SVEP1: variants seen among roughly 807,000 people sequenced by gnomAD.
SVEP1 encodes the protein sushi, von Willebrand factor type A, EGF and pentraxin domain-containing protein 1.
SVEP1 carries 164 observed loss-of-function variants against 367.3 expected under a neutral mutation model. That is an observed-to-expected ratio of 0.45 (90% CI 0.39 to 0.51). SVEP1 has a LOEUF of 0.51. SVEP1 is among the 20% of genes least tolerant of loss of function. SVEP1 has a pLI of 0.00. For synonymous variants in SVEP1, 1,666 were observed against 1,611.6 expected, an observed-to-expected ratio of 1.03 and a Z score of -0.81; for missense variants, 4,117 against 4,425.3, an observed-to-expected ratio of 0.93 and a Z score of 1.98.
Position 110,370,004 on chromosome 9 carries a change from G to T in SVEP1, c.10613C>A (p.Ser3538Tyr). The change falls in exon 47 of 48, where the codon TCT becomes TAT. Residue 3538 changes from serine (S) to tyrosine (Y), a missense_variant. By Grantham distance (144) the Ser-to-Tyr change is moderately radical. Around this residue, in one of 4 missense-constraint regions of SVEP1, gnomAD observed 1,765 missense variants for 1,781.1 expected, o/e 0.99. Transcript: ENST00000374469. ...GSRCHTAVCQ[S>Y]PCLNGGKCVR... ...ACATTTTCCACCATTTAAGCAGGGA[G>T]ACTGGCAAACAGCTGGAATAAAAAA... is the stretch of plus-strand genomic sequence containing the variant. The T allele has an allele frequency of 5.6e-6, 9 of 1,612,854 alleles. No homozygotes were observed. Among genetic ancestry groups the T allele is most frequent in the Non-Finnish European group, 7.6e-6 (9 of 1,179,410 alleles).
At chr9:110,430,147 T>A in intron 33 of SVEP1, 127 bp downstream of exon 33, 7 of 1,187,480 alleles carry the variant, frequency 5.9e-6, no homozygotes, top group East Asian at 2.5e-5. Flanking sequence ...GGGTCATGTT[T>A]AAACATGAGC....
At chr9:110,566,273 G>A (rs1830491923) in intron 1 of SVEP1, among the ~76,000 whole-genome samples, 1 of 151,772 alleles carries the variant, frequency 6.6e-6, no homozygotes, top group Non-Finnish European at 1.5e-5. Flanking sequence ...AGTGAGTCGT[G>A]ATAGTGCCAC....
chr9:110,436,413 G>C lies in SVEP1; in HGVS notation c.4731C>G (p.Leu1577=). 1 of 1,613,962 alleles carries C rather than the reference G, an allele frequency of 6.2e-7. No homozygotes were observed. The highest frequency in any genetic ancestry group is 8.5e-7 in the Non-Finnish European group (1 of 1,179,858). Residue 1577 remains leucine, a synonymous_variant, in exon 28 of 48, where the codon CTC becomes CTG. Transcript: ENST00000374469. ...GAGACAGGACATAGTCCCAGAGGTT[G>C]AGCTGGCTTATGGAGCCCACAAAAG... ...AESFVGSISQ[L]NLWDYVLSPQ...
chr9:110,470,699 G>T (rs7020788), intron 16 of SVEP1, among the ~76,000 whole-genome samples: 1 of 151,220 alleles, frequency 6.6e-6, no homozygotes, highest in Non-Finnish European at 1.5e-5. Context: ...GCCTCCCAAA[G>T]TGCTGGGATT....
intron 46 of SVEP1, among the ~76,000 whole-genome samples, chr9:110,371,505 G>A (rs1325253170): frequency 6.6e-6 from 1 of 151,834 alleles, no homozygotes; most frequent in African/African-American, 2.4e-5. Context: ...GCATTTTCTG[G>A]GAACCTAAAC....
chr9:110,487,270 T>A (rs1363353357), intron 9 of SVEP1, among the ~76,000 whole-genome samples: 2 of 152,192 alleles, frequency 1.3e-5, no homozygotes, highest in Non-Finnish European at 2.9e-5. Context: ...TCTTTTATAA[T>A]TTGGGAATTC....
chr9:110,382,811 T>G (rs1362650198), intron 43 of SVEP1, among the ~76,000 whole-genome samples: 1 of 152,210 alleles, frequency 6.6e-6, no homozygotes, highest in Non-Finnish European at 1.5e-5. Flanking sequence ...AGCAAGATAG[T>G]CTTCAAACTC....
chr9:110,542,852 T>A (rs1225037120), intron 3 of SVEP1, among the ~76,000 whole-genome samples: 1 of 149,908 alleles, frequency 6.7e-6, no homozygotes, highest in Non-Finnish European at 1.5e-5. Context: ...CATTAGGAGA[T>A]ATACTTAATG....
chr9:110,496,255 T>C (rs1829444691), intron 8 of SVEP1, among the ~76,000 whole-genome samples: 1 of 152,164 alleles, frequency 6.6e-6, no homozygotes, highest in Non-Finnish European at 1.5e-5. Flanking sequence ...TCTGTGAGGA[T>C]GTTGCCAAAG....
In SVEP1 at chr9:110,450,245, G is replaced by C. The variant is rs199822875; in HGVS notation, c.3917C>G (p.Thr1306Arg). 1.9e-5 allele frequency: 30 copies of C among 1,613,766 alleles called. No individual in the cohort carries two copies. In the African/African-American group the frequency reaches 3.5e-4, roughly 19 times the overall value. ...VKGFVGLHCE[T>R]EVNECQSNPC... is the part of the protein sequence containing the mutation. ...GTTTGACTGGCATTCATTGACTTCT[G>C]TTTCACAATGCAGGCCTGAGGATGG... The change falls in exon 24 of 48, where the codon ACA becomes AGA. Residue 1306 changes from threonine to arginine, a missense_variant. Physicochemically the swap from Thr to Arg is moderately conservative, Grantham distance 71. Around this residue, in one of 4 missense-constraint regions of SVEP1, gnomAD observed 2,174 missense variants for 2,494.3 expected, o/e 0.87. Transcript: ENST00000374469.
intron 5 of SVEP1, among the ~76,000 whole-genome samples, chr9:110,509,126 GAC>G (rs879691978): frequency 2.0e-4 from 31 of 152,210 alleles, no homozygotes; most frequent in African/African-American, 7.0e-4. Context: ...CCCATTGTAA[GAC>G]ACAACATTAT....
At position 110,434,421 on chromosome 9, in the gene SVEP1, A is replaced by G; in HGVS notation, c.4974T>C (p.Cys1658=). 1.2e-6 allele frequency: 2 copies of G among 1,613,544 alleles called. No homozygotes were observed. The change falls in exon 30 of 48, where the codon TGT becomes TGC. Residue 1658 remains cysteine (C), a synonymous_variant. Transcript: ENST00000374469. ...TCCCGACCAGCTGGAAGCCTGGATC[A>G]CAGAACAGATTGACTTTGGAACCTG... The part of the protein sequence containing the change: ...LKPGSKVNLF[C]DPGFQLVGNP...
At chr9:110,496,233 T>C (rs1355613723) in intron 8 of SVEP1, among the ~76,000 whole-genome samples, 1 of 152,208 alleles carries the variant, frequency 6.6e-6, no homozygotes, top group Non-Finnish European at 1.5e-5. Context: ...CGAAGTATTG[T>C]TCCTGGGTGT....
chr9:110,379,048 TTATTATG>T (rs1827394698), intron 44 of SVEP1, among the ~76,000 whole-genome samples: 1 of 129,446 alleles, frequency 7.7e-6, no homozygotes, highest in African/African-American at 3.9e-5. Context: ...AATGAAATAA[TTATTATG>T]ATGTATAAAA....
intron 43 of SVEP1, among the ~76,000 whole-genome samples, chr9:110,381,109 T>C (rs1827427723): frequency 1.3e-5 from 2 of 152,158 alleles, no homozygotes; most frequent in South Asian, 2.1e-4. Context: ...CTTCCCTTTT[T>C]TTAATTAGCT....
intron 8 of SVEP1, among the ~76,000 whole-genome samples, chr9:110,496,013 G>A (rs1041885397): frequency 3.9e-5 from 6 of 152,072 alleles, no homozygotes; most frequent in East Asian, 1.9e-4. Flanking sequence ...AGAATTCTTC[G>A]TCAAGTAATC....
In SVEP1 at chr9:110,547,857, T is replaced by C. The variant is rs759605445; in HGVS notation, c.788-1566A>G. 2.6e-5 allele frequency among the ~76,000 whole-genome samples: 4 copies of C among 152,326 alleles called. No homozygotes were observed. In the South Asian group the frequency reaches 8.3e-4, roughly 32 times the overall value. ...CCAGTAAAAACAGGGTTTTACTTAC[T>C]AAACCTAGAAACTCAACTAAAGTAT... On this transcript the variant is annotated intron_variant, in intron 2 of 47. Coordinates refer to ENST00000374469, the MANE Select transcript of SVEP1 (RefSeq NM_153366.4).
chr9:110,474,520 C>T (rs557296181), intron 14 of SVEP1, among the ~76,000 whole-genome samples: 1 of 152,086 alleles, frequency 6.6e-6, no homozygotes, highest in African/African-American at 2.4e-5. Flanking sequence ...TCAAGAATTG[C>T]CATTTGGACC....
rs1393498264 is a variant in SVEP1 at position 110,458,999 on chromosome 9, T to C, written c.3437A>G (p.Tyr1146Cys). 8 of 1,613,826 alleles carry C rather than the reference T, an allele frequency of 5.0e-6. No homozygotes were observed. In the South Asian group the frequency reaches 5.5e-5, roughly 11 times the overall value. The change falls in exon 19 of 48, where the codon TAT becomes TGT. Residue 1146 changes from tyrosine to cysteine, a missense_variant. Physicochemically the swap from Tyr to Cys is radical, Grantham distance 194. Transcript: ENST00000374469. Reference protein sequence around the residue: ...GKAFCLACPFYGTTPFAGSRS... With the variant: ...GKAFCLACPFCGTTPFAGSRS... ...GGAACCAGCGAATGGGGTAGTTCCA[T>C]AAAAGGGACAGGCCAGGCAGAAGGC...
Sources: gnomAD v4.1 joint callset for allele counts (sites outside exome capture counted in the v4.1 genomes callset) on GRCh38, gnomAD v4.1.1 for gene constraint, gnomAD v4.1.1 regional missense constraint, MANE v1.5 for transcripts, NCBI Gene and HGNC (gene_info 2026-07-23, HGNC 2026-07-21) for gene names.